The following WDR72 variants were observed in gnomAD, a reference collection of about 807,000 sequenced individuals.
WDR72 encodes WD repeat-containing protein 72.
In WDR72, 120 loss-of-function variants were observed where a neutral mutation model predicts 124.2. The ratio of observed to expected loss-of-function variants is 0.97; its 90% confidence interval spans 0.83 to 1.12. The LOEUF is 1.12. Ranked by LOEUF, WDR72 falls within the 50% of genes most tolerant of loss-of-function variation. WDR72 has a pLI of 0.00. For missense variants in WDR72, 1,387 were observed against 1,278.8 expected (o/e 1.08, Z -1.29); for synonymous variants, 452 against 441.7 (o/e 1.02, Z -0.29).
intron 1 of WDR72, among the ~76,000 whole-genome samples, chr15:53,757,768 A>G (rs2018949573): frequency 6.6e-6 from 1 of 152,242 alleles, no homozygotes; most frequent in South Asian, 2.1e-4. Flanking sequence ...AGCTACAAAG[A>G]TATCTGAATG....
chr15:53,615,630 C>G lies in WDR72; in HGVS notation c.2576G>C (p.Gly859Ala), dbSNP rs777768872. The change falls in exon 15 of 20, where the codon GGA (glycine) becomes GCA (alanine). Residue 859 changes from glycine (G) to alanine (A), a missense_variant. Coordinates refer to ENST00000360509, the MANE Select transcript of WDR72 (RefSeq NM_182758.4). ...AACTTTCCTGGAAAATAAATTTACT[C>G]CTGAATAGTCTTTTATCATTCCACT... ...CNSGMIKDYS[G>A]VNLFSRKVLD... 2 of 1,612,396 alleles carry G rather than the reference C, an allele frequency of 1.2e-6. No individual in the cohort carries two copies. Among genetic ancestry groups the G allele is most frequent in the Non-Finnish European group, 1.7e-6 (2 of 1,179,122 alleles).
intron 2 of WDR72, among the ~76,000 whole-genome samples, chr15:53,729,799 CAA>C (rs545511315): frequency 7.1e-6 from 1 of 141,754 alleles, no homozygotes; most frequent in African/African-American, 2.8e-5. Flanking sequence ...ATGGCTATTA[CAA>C]AAAAAAAAAT....
intron 14 of WDR72, among the ~76,000 whole-genome samples, chr15:53,632,907 G>A (rs2014486438): frequency 6.6e-6 from 1 of 152,190 alleles, no homozygotes; most frequent in Non-Finnish European, 1.5e-5. Context: ...TAACTAACAT[G>A]TTTTTGATAT....
intron 14 of WDR72, among the ~76,000 whole-genome samples, chr15:53,645,427 T>C (rs2015007109): frequency 6.6e-6 from 1 of 152,168 alleles, no homozygotes; most frequent in African/African-American, 2.4e-5. Context: ...TCTTTTTTAA[T>C]TATAGGTTTT....
intron 17 of WDR72, among the ~76,000 whole-genome samples, chr15:53,602,688 A>G (rs898545967): frequency 2.0e-5 from 3 of 152,044 alleles, no homozygotes; most frequent in Admixed American, 6.6e-5. Flanking sequence ...CAATCCTCGG[A>G]GAATATTATA....
chr15:53,675,736 C>G (rs1305342664), intron 13 of WDR72, among the ~76,000 whole-genome samples: 1 of 152,092 alleles, frequency 6.6e-6, no homozygotes, highest in African/African-American at 2.4e-5. Flanking sequence ...TTAATTTAAT[C>G]AGATCAATAT....
intron 2 of WDR72, among the ~76,000 whole-genome samples, chr15:53,726,367 GA>G (rs1192673793): frequency 4.2e-5 from 6 of 144,432 alleles, no homozygotes; most frequent in African/African-American, 1.6e-4. Flanking sequence ...GGGCGGGGCT[GA>G]TCAGGTATTT....
At chr15:53,678,031 G>A (rs1003671720) in intron 13 of WDR72, among the ~76,000 whole-genome samples, 4 of 152,182 alleles carry the variant, frequency 2.6e-5, no homozygotes, top group Admixed American at 1.3e-4. Flanking sequence ...ATGCTATGTG[G>A]TAGAGTTACA....
Position 53,615,593 on chromosome 15 carries a change from T to G in WDR72, c.2613A>C (p.Ser871=), listed in dbSNP as rs765251247. The G allele has an allele frequency of 6.2e-7, 1 of 1,613,058 alleles. No homozygotes were observed. The highest frequency in any genetic ancestry group is 1.7e-4 in the Middle Eastern group (1 of 6,054). Residue 871 remains serine, a synonymous_variant, in exon 15 of 20, where the codon TCA becomes TCC. Transcript: ENST00000360509. ...TTGGAAGAGTGGCTGTGTATTTATC[T>G]GACAAGTCCAAAACTTTCCTGGAAA... is the stretch of plus-strand genomic sequence containing the variant. ...NLFSRKVLDL[S]DKYTATLPNQ...
At chr15:53,598,892 G>C (rs2012907704) in intron 17 of WDR72, among the ~76,000 whole-genome samples, 1 of 151,876 alleles carries the variant, frequency 6.6e-6, no homozygotes, top group South Asian at 2.1e-4. Flanking sequence ...CATGATGCTG[G>C]TGAATAGTGC....
At chr15:53,600,401 G>A (rs2012992185) in intron 17 of WDR72, among the ~76,000 whole-genome samples, 1 of 152,078 alleles carries the variant, frequency 6.6e-6, no homozygotes, top group South Asian at 2.1e-4. Context: ...TCTTCCCAAT[G>A]CATATAAAGA....
intron 18 of WDR72, among the ~76,000 whole-genome samples, chr15:53,557,131 A>G (rs577396570): frequency 2.4e-3 from 364 of 152,216 alleles, no homozygotes; most frequent in African/African-American, 8.3e-3. Context: ...ATTAGTTCTC[A>G]GTATATCAGG....
At position 53,517,041 on chromosome 15, in the gene WDR72, A is replaced by G. The variant is rs1314414929; in HGVS notation, c.*658T>C. On this transcript the variant is annotated 3_prime_UTR_variant, in exon 20 of 20. Transcript: ENST00000360509. ...AGATCAACCTTGAGCTAAAGACATT[A>G]GCCTCAATGTCATTAGAAGTTCAAA... 1 of 152,484 alleles carries G rather than the reference A, an allele frequency of 6.6e-6. No homozygotes were observed. Among genetic ancestry groups the G allele is most frequent in the Non-Finnish European group, 1.5e-5 (1 of 68,276 alleles). The allele number at this position is 152,484 out of a possible 1,614,324, so 9.4% of individuals were successfully genotyped here.
chr15:53,529,164 A>ATTTTTTTTTTTTTTT (rs1221581823), intron 18 of WDR72, among the ~76,000 whole-genome samples: 1 of 78,168 alleles, frequency 1.3e-5, no homozygotes, highest in Admixed American at 1.4e-4. Context: ...ATATATATAT[A>ATTTTTTTTTTTTTTT]TTTTTTTTTT....
At chr15:53,664,481 T>C (rs1272027660) in intron 14 of WDR72, among the ~76,000 whole-genome samples, 4 of 151,584 alleles carry the variant, frequency 2.6e-5, no homozygotes, top group Non-Finnish European at 5.9e-5. Flanking sequence ...ATGGCTTTAA[T>C]GGCCCATTGG....
intron 13 of WDR72, among the ~76,000 whole-genome samples, chr15:53,666,649 C>A (rs689881): frequency 0.067 from 10,146 of 152,130 alleles, 1,152 homozygotes; most frequent in African/African-American, 0.23. Context: ...TAAATACAGA[C>A]TTCATTTCAT....
chr15:53,625,698 C>T (rs2014177343), intron 14 of WDR72, among the ~76,000 whole-genome samples: 1 of 151,806 alleles, frequency 6.6e-6, no homozygotes, highest in African/African-American at 2.4e-5. Flanking sequence ...CCCACAAGAG[C>T]CCAGAATAAT....
intron 16 of WDR72, among the ~76,000 whole-genome samples, chr15:53,610,258 T>C (rs1390117464): frequency 6.6e-6 from 1 of 152,106 alleles, no homozygotes; most frequent in Non-Finnish European, 1.5e-5. Flanking sequence ...AACTGGTTCA[T>C]AGAGTGTCCA....
intron 18 of WDR72, among the ~76,000 whole-genome samples, chr15:53,557,766 A>G (rs1378139234): frequency 1.3e-5 from 2 of 152,072 alleles, no homozygotes; most frequent in African/African-American, 4.8e-5. Context: ...ATTTAATAGC[A>G]TCTAAGGTTT....
Sources: allele counts gnomAD v4.1 joint callset (sites outside exome capture counted in the v4.1 genomes callset), GRCh38; gene constraint gnomAD v4.1.1; transcripts MANE v1.5; gene names NCBI Gene and HGNC (gene_info 2026-07-23, HGNC 2026-07-21).